The following MGAT4C variants were observed in gnomAD, a reference collection of about 807,000 sequenced individuals.
MGAT4C encodes the protein alpha-1,3-mannosyl-glycoprotein 4-beta-N-acetylglucosaminyltransferase C.
Under a neutral mutation model 40.1 loss-of-function variants are expected in MGAT4C, and 19 were observed. That is an observed-to-expected ratio of 0.47 (90% CI 0.33 to 0.70). The LOEUF is 0.70. Ranked by LOEUF, MGAT4C falls within the 30% of genes least tolerant of loss-of-function variation. The pLI, the probability that MGAT4C is intolerant of heterozygous loss-of-function variation, is 0.02. For synonymous variants in MGAT4C, 181 were observed against 187.1 expected (o/e 0.97, Z 0.27); for missense variants, 491 against 563.2 (o/e 0.87, Z 1.30).
At chr12:86,221,051 G>C (rs1417696816) in intron 1 of MGAT4C, among the ~76,000 whole-genome samples, 1 of 152,198 alleles carries the variant, frequency 6.6e-6, no homozygotes, top group African/African-American at 2.4e-5. Context: ...GGGGGAATGT[G>C]TGTGCTAGTT....
At chr12:86,688,651 T>A (rs1950118141) in intron 2 of MGAT4C, among the ~76,000 whole-genome samples, 1 of 152,196 alleles carries the variant, frequency 6.6e-6, no homozygotes, top group South Asian at 2.1e-4. Flanking sequence ...ATTCTTTTCT[T>A]CAAGAATGTT....
intron 3 of MGAT4C, among the ~76,000 whole-genome samples, chr12:85,987,348 G>A (rs1003099791): frequency 1.3e-4 from 20 of 150,958 alleles, no homozygotes; most frequent in Admixed American, 5.3e-4. Flanking sequence ...CGTTTTAGCC[G>A]GGATGGTCTC....
chr12:86,481,449 G>A (rs529005149), intron 2 of MGAT4C, among the ~76,000 whole-genome samples: 9 of 152,140 alleles, frequency 5.9e-5, no homozygotes, highest in African/African-American at 2.2e-4. Context: ...ATAAATGTGT[G>A]TATTACCCTC....
At chr12:86,720,962 C>T (rs1386586788) in intron 2 of MGAT4C, among the ~76,000 whole-genome samples, 1 of 152,088 alleles carries the variant, frequency 6.6e-6, no homozygotes, top group African/African-American at 2.4e-5. Flanking sequence ...ATACTCTGCC[C>T]TTCCTCATAC....
chr12:86,687,640 T>G (rs893927434), intron 2 of MGAT4C, among the ~76,000 whole-genome samples: 2 of 152,188 alleles, frequency 1.3e-5, no homozygotes, highest in Non-Finnish European at 2.9e-5. Context: ...CATGTAGTTG[T>G]GCAGTTTTAA....
At chr12:86,491,898 C>A (rs1300730407) in intron 2 of MGAT4C, among the ~76,000 whole-genome samples, 2 of 152,060 alleles carry the variant, frequency 1.3e-5, no homozygotes, top group African/African-American at 4.8e-5. Flanking sequence ...TAGAAAACCC[C>A]ACTGTCTCAG....
At chr12:86,178,505 T>C (rs1464617790) in intron 1 of MGAT4C, among the ~76,000 whole-genome samples, 1 of 152,192 alleles carries the variant, frequency 6.6e-6, no homozygotes, top group African/African-American at 2.4e-5. Context: ...TGGCATTTCT[T>C]GCCCTAACAC....
chr12:86,782,349 T>C (rs867660603), intron 1 of MGAT4C, among the ~76,000 whole-genome samples: 2 of 151,670 alleles, frequency 1.3e-5, no homozygotes, highest in Middle Eastern at 6.8e-3. Flanking sequence ...GCCCGGCTAA[T>C]TTTTTGTATT....
chr12:86,431,152 G>T (rs1957030157), intron 3 of MGAT4C, among the ~76,000 whole-genome samples: 1 of 152,192 alleles, frequency 6.6e-6, no homozygotes, highest in Admixed American at 6.5e-5. Context: ...TTTTCACCAT[G>T]CTTTCAAAGA....
intron 3 of MGAT4C, among the ~76,000 whole-genome samples, chr12:86,387,120 C>T (rs532342761): frequency 3.2e-4 from 48 of 152,102 alleles, no homozygotes; most frequent in Non-Finnish European, 6.3e-4. Context: ...TTTCTTCTAA[C>T]AGACTCCTCC....
intron 4 of MGAT4C, among the ~76,000 whole-genome samples, chr12:86,324,506 C>T (rs998286244): frequency 3.3e-5 from 5 of 151,548 alleles, no homozygotes; most frequent in African/African-American, 1.2e-4. Context: ...GATTATATTG[C>T]TAAACATGTG....
intron 1 of MGAT4C, among the ~76,000 whole-genome samples, chr12:86,776,324 T>G (rs1951748237): frequency 6.6e-6 from 1 of 152,074 alleles, no homozygotes; most frequent in Non-Finnish European, 1.5e-5. Flanking sequence ...ATTAATTTAA[T>G]GTTACTAAAA....
At chr12:86,258,549 A>G (rs1275979598), upstream of MGAT4C, among the ~76,000 whole-genome samples, 1 of 151,778 alleles carries the variant, frequency 6.6e-6, no homozygotes, top group African/African-American at 2.4e-5. Flanking sequence ...TTATTTGTCA[A>G]TTTCCACAGG....
chr12:86,212,607 G>T (rs1036772915), intron 1 of MGAT4C, among the ~76,000 whole-genome samples: 15 of 151,684 alleles, frequency 9.9e-5, no homozygotes, highest in Non-Finnish European at 2.2e-4. Context: ...GAACACTCAT[G>T]GCCGGGCGCG....
chr12:86,525,003 T>TCAACATAC (rs1361592849), intron 2 of MGAT4C, among the ~76,000 whole-genome samples: 1 of 152,180 alleles, frequency 6.6e-6, no homozygotes, highest in Non-Finnish European at 1.5e-5. Flanking sequence ...GGAGTGGGTT[T>TCAACATAC]CAACATACTT....
intron 2 of MGAT4C, among the ~76,000 whole-genome samples, chr12:86,584,816 C>A (rs1437421623): frequency 6.6e-6 from 1 of 151,346 alleles, no homozygotes; most frequent in East Asian, 1.9e-4. Context: ...AAATAGATTT[C>A]ATTATTTCAA....
At chr12:86,020,514 G>T (rs1180140504) in intron 2 of MGAT4C, among the ~76,000 whole-genome samples, 1 of 152,172 alleles carries the variant, frequency 6.6e-6, no homozygotes, top group African/African-American at 2.4e-5. Context: ...AAATGGTGCT[G>T]GGAAAACTGG....
At chr12:86,448,306 A>C (rs1351116496) in intron 2 of MGAT4C, among the ~76,000 whole-genome samples, 1 of 152,098 alleles carries the variant, frequency 6.6e-6, no homozygotes, top group Admixed American at 6.6e-5. Context: ...ATCACCACAC[A>C]CAACTTACTT....
chr12:86,634,441 A>C (rs1963154264), intron 2 of MGAT4C, among the ~76,000 whole-genome samples: 1 of 152,154 alleles, frequency 6.6e-6, no homozygotes, highest in South Asian at 2.1e-4. Context: ...GGTTAAAACA[A>C]GATACAATTA....
Sources: gnomAD v4.1 joint callset for allele counts (sites outside exome capture counted in the v4.1 genomes callset) on GRCh38, gnomAD v4.1.1 for gene constraint, MANE v1.5 for transcripts, NCBI Gene and HGNC (gene_info 2026-07-23, HGNC 2026-07-21) for gene names.